Variants in NRG3 observed in about 807,000 individuals in gnomAD.
NRG3 encodes the protein pro-neuregulin-3, membrane-bound isoform.
A neutral mutation model predicts 66.9 loss-of-function variants in NRG3; 31 were observed. That is an observed-to-expected ratio of 0.46 (90% CI 0.35 to 0.63). The LOEUF is 0.63. Among genes scored for constraint, NRG3 ranks in the 20% least tolerant of loss-of-function variants. NRG3 has a pLI of 0.00. For missense variants in NRG3, 910 were observed against 878.9 expected (o/e 1.04, Z -0.45); for synonymous variants, 393 against 359.4 (o/e 1.09, Z -1.06).
At chr10:82,790,968 G>T (rs897194525) in intron 3 of NRG3, among the ~76,000 whole-genome samples, 1 of 150,840 alleles carries the variant, frequency 6.6e-6, no homozygotes, top group African/African-American at 2.4e-5. Context: ...TCTGTTTAAG[G>T]TATTATTCTC....
intron 4 of NRG3, among the ~76,000 whole-genome samples, chr10:82,920,225 T>G (rs1846293513): frequency 6.6e-6 from 1 of 151,468 alleles, no homozygotes. Context: ...GATAAAGTAC[T>G]TATTTTCCAT....
chr10:82,199,577 A>C (rs899350108), intron 1 of NRG3, among the ~76,000 whole-genome samples: 1 of 152,216 alleles, frequency 6.6e-6, no homozygotes, highest in Non-Finnish European at 1.5e-5. Context: ...CTTAAATAGA[A>C]ATAGTTTTAG....
chr10:82,186,132 A>G (rs887913605), intron 1 of NRG3, among the ~76,000 whole-genome samples: 2 of 152,194 alleles, frequency 1.3e-5, no homozygotes, highest in African/African-American at 4.8e-5. Flanking sequence ...CTTAAAAACA[A>G]GATTTTTTTT....
At chr10:82,108,041 C>T (rs1040881115) in intron 1 of NRG3, among the ~76,000 whole-genome samples, 1 of 152,212 alleles carries the variant, frequency 6.6e-6, no homozygotes, top group Non-Finnish European at 1.5e-5. Context: ...CTTTTCTGTG[C>T]ATGGGCTTCC....
chr10:81,885,788 G>A (rs1367197297), intron 1 of NRG3, among the ~76,000 whole-genome samples: 4 of 152,104 alleles, frequency 2.6e-5, no homozygotes, highest in African/African-American at 7.2e-5. Flanking sequence ...AACAATGACA[G>A]TTGTGCTCAT....
chr10:82,306,375 A>G (rs941122490), intron 1 of NRG3, among the ~76,000 whole-genome samples: 1 of 152,124 alleles, frequency 6.6e-6, no homozygotes, highest in African/African-American at 2.4e-5. Context: ...ATAGTCTAAC[A>G]CTGTTTGAAT....
rs562393318 is a variant in NRG3, at chr10:81,875,892, A to C, written c.552A>C (p.Ala184=). The C allele has an allele frequency of 1.2e-6, 2 of 1,612,188 alleles. No individual in the cohort carries two copies. Among genetic ancestry groups the C allele is most frequent in the South Asian group, 2.2e-5 (2 of 91,066 alleles). The part of the protein sequence containing the change: ...PIRASPRSTT[A]RNTAAPATVP... ...GGGCCAGCCCGCGCTCCACCACAGC[A>C]CGGAACACTGCGGCCCCTGCGACGG... The change falls in exon 1 of 9, where the codon GCA becomes GCC. Residue 184 remains alanine, a synonymous_variant. Coordinates refer to ENST00000372141, the MANE Select transcript of NRG3 (RefSeq NM_001010848.4). This position sits in a 1 kb window ranked among gnomAD's most constrained non-coding sequence, Gnocchi z 5.3.
intron 2 of NRG3, among the ~76,000 whole-genome samples, chr10:82,608,033 C>T (rs1296749206): frequency 6.6e-6 from 1 of 152,094 alleles, no homozygotes; most frequent in Admixed American, 6.6e-5. Context: ...TTTTCTAATG[C>T]TCTTCCCTTC....
chr10:82,143,885 C>G (rs1321700577), intron 1 of NRG3, among the ~76,000 whole-genome samples: 1 of 151,912 alleles, frequency 6.6e-6, no homozygotes, highest in Non-Finnish European at 1.5e-5. Context: ...CAAAAATTAG[C>G]AGGGCATGGT....
chr10:82,806,858 T>G (rs1420505310), intron 3 of NRG3, among the ~76,000 whole-genome samples: 1 of 152,220 alleles, frequency 6.6e-6, no homozygotes, highest in African/African-American at 2.4e-5. Flanking sequence ...AGACATCAGA[T>G]AGGCACCATC....
In NRG3 at chr10:82,977,333, G is replaced by A. The variant is rs138880286; in HGVS notation, c.1413-1617G>A. 1.8e-3 allele frequency among the ~76,000 whole-genome samples: 276 copies of A among 152,234 alleles called. 2 individuals carry two copies. The highest frequency in any genetic ancestry group is 0.017 in the Middle Eastern group (5 of 294). ...TAATGAATGAAGGTATAGGGGCTAG[G>A]CACAGTGGCTCAAACCTGTAATCCC... On this transcript the variant is annotated intron_variant, in intron 7 of 8. Transcript: ENST00000372141.
intron 1 of NRG3, among the ~76,000 whole-genome samples, chr10:81,887,286 G>A (rs1397330726): frequency 6.6e-6 from 1 of 152,084 alleles, no homozygotes; most frequent in Non-Finnish European, 1.5e-5. Context: ...TTGATGATTA[G>A]CCTTGACTTT....
chr10:82,083,119 T>C (rs2065489082), intron 1 of NRG3, among the ~76,000 whole-genome samples: 1 of 152,036 alleles, frequency 6.6e-6, no homozygotes. Context: ...TATGAAACTC[T>C]TAAATACCAC....
chr10:82,082,133 C>A (rs2065430993), intron 1 of NRG3, among the ~76,000 whole-genome samples: 1 of 152,116 alleles, frequency 6.6e-6, no homozygotes, highest in African/African-American at 2.4e-5. Context: ...AAATACTTTA[C>A]AGAAATTGGC....
rs1456299681 is a variant in NRG3 at position 82,532,710 on chromosome 10, T to G, written c.953+173842T>G. Among the ~76,000 whole-genome samples, 3 of 151,242 alleles carry G rather than the reference T, an allele frequency of 2.0e-5. No individual in the cohort carries two copies. In the East Asian group the frequency reaches 5.8e-4, roughly 29 times the overall value. ...TTAAGTTATTTCCCCCTCTTGACTA[T>G]TGTGAATAGTGTTGCAATGCACATA... On this transcript the variant is annotated intron_variant, in intron 2 of 8. Transcript: ENST00000372141.
At chr10:82,748,712 A>C (rs2058739799) in intron 3 of NRG3, among the ~76,000 whole-genome samples, 2 of 150,788 alleles carry the variant, frequency 1.3e-5, no homozygotes, top group African/African-American at 4.8e-5. Flanking sequence ...AGTTTTAACA[A>C]ATAATCCTCA....
intron 2 of NRG3, among the ~76,000 whole-genome samples, chr10:82,729,595 G>T (rs985266638): frequency 6.6e-6 from 1 of 152,152 alleles, no homozygotes; most frequent in Non-Finnish European, 1.5e-5. Flanking sequence ...TGTTAATGAG[G>T]TGGTGAGGTT....
At chr10:82,059,406 G>A (rs966971692) in intron 1 of NRG3, among the ~76,000 whole-genome samples, 3 of 152,158 alleles carry the variant, frequency 2.0e-5, no homozygotes, top group Non-Finnish European at 4.4e-5. Flanking sequence ...TAATGACTAA[G>A]ATAGCAAGGA....
In NRG3 at chr10:82,130,301, ATGTGCCT is replaced by A. The variant is rs2068732149; in HGVS notation, c.824-228434_824-228428del. Among the ~76,000 whole-genome samples, 4 of 151,982 alleles carry A rather than the reference ATGTGCCT, an allele frequency of 2.6e-5. No individual in the cohort carries two copies. In the South Asian group the frequency reaches 6.2e-4, roughly 24 times the overall value. On this transcript the variant is annotated intron_variant, in intron 1 of 8. Coordinates refer to ENST00000372141, the MANE Select transcript of NRG3 (RefSeq NM_001010848.4). The stretch of plus-strand genomic sequence containing the variant: ...GTGCAGGTTTGTTGCATATGTATAC[ATGTGCCT>A]TGTTGGTGTGCTGCACCCATTAACT...
Sources: gnomAD v4.1 joint callset for allele counts (sites outside exome capture counted in the v4.1 genomes callset) on GRCh38, gnomAD v4.1.1 for gene constraint, Gnocchi (gnomAD v3.1) non-coding constraint, MANE v1.5 for transcripts, NCBI Gene and HGNC (gene_info 2026-07-23, HGNC 2026-07-21) for gene names.